NR2F1-AS1: variants seen among roughly 807,000 people sequenced by gnomAD.
NR2F1-AS1 encodes NR2F1 regulatory antisense RNA 1.
intron 1 of NR2F1-AS1, among the ~76,000 whole-genome samples, chr5:93,573,303 T>A (rs1486281433): frequency 2.6e-5 from 4 of 152,142 alleles, no homozygotes; most frequent in African/African-American, 7.2e-5. Flanking sequence ...AACCCCTTGT[T>A]GGTAAAGGCG....
chr5:93,531,459 C>T (rs1751735248), intron 4 of NR2F1-AS1, among the ~76,000 whole-genome samples: 1 of 152,196 alleles, frequency 6.6e-6, no homozygotes, highest in Non-Finnish European at 1.5e-5. Flanking sequence ...ATCCAAACTG[C>T]ATGGTCTGGT....
chr5:93,516,268 G>C (rs1237203261), intron 4 of NR2F1-AS1, among the ~76,000 whole-genome samples: 1 of 151,734 alleles, frequency 6.6e-6, no homozygotes, highest in Non-Finnish European at 1.5e-5. Context: ...TTAAATATAA[G>C]GACAAACATG....
At chr5:93,463,759 C>A (rs1402644705) in intron 4 of NR2F1-AS1, among the ~76,000 whole-genome samples, 2 of 152,138 alleles carry the variant, frequency 1.3e-5, no homozygotes, top group African/African-American at 4.8e-5. Flanking sequence ...ACTTGACTGC[C>A]CTGCTGGATT....
intron 1 of NR2F1-AS1, among the ~76,000 whole-genome samples, chr5:93,563,878 G>A (rs1305787390): frequency 3.9e-5 from 6 of 151,912 alleles, no homozygotes; most frequent in South Asian, 2.1e-4. Context: ...TGAGGTGGGC[G>A]GATCACGAGG....
chr5:93,468,260 C>T (rs182955540), intron 4 of NR2F1-AS1, among the ~76,000 whole-genome samples: 3 of 152,312 alleles, frequency 2.0e-5, no homozygotes, highest in African/African-American at 4.8e-5. Flanking sequence ...AACTAATTTA[C>T]ACTCCCACCA....
Position 93,571,417 on chromosome 5 carries a change from TC to T in NR2F1-AS1, n.314-7955del, listed in dbSNP as rs1028860242. On this transcript the variant is annotated intron_variant and non_coding_transcript_variant, in intron 1 of 5. Transcript: ENST00000660523. ...GGCTAAGCGGCAGGGAATCCTGAGT[TC>T]CTAGAGATCTACAGAAAGCAGAAGA... 2.0e-5 allele frequency: 3 copies of T among 148,964 alleles called. No individual in the cohort carries two copies. The Admixed American group carries it at 2.0e-4, about 10-fold the overall frequency. The allele number at this position is 148,964 out of a possible 1,614,324, so 9.2% of individuals were successfully genotyped here. A position where few individuals can be genotyped will look rare whatever the true frequency, so the allele number is the denominator to read the frequency against.
intron 4 of NR2F1-AS1, among the ~76,000 whole-genome samples, chr5:93,496,547 T>C (rs1027110738): frequency 6.6e-6 from 1 of 152,194 alleles, no homozygotes; most frequent in Non-Finnish European, 1.5e-5. Flanking sequence ...TTTTAATTTA[T>C]ACATTATGAA....
chr5:93,456,786 G>C (rs1210299201), intron 4 of NR2F1-AS1, among the ~76,000 whole-genome samples: 1 of 151,926 alleles, frequency 6.6e-6, no homozygotes, highest in Non-Finnish European at 1.5e-5. Flanking sequence ...CTACCATATC[G>C]GAGAGGGGGA....
chr5:93,563,743 G>A (rs539092742), intron 1 of NR2F1-AS1, among the ~76,000 whole-genome samples: 23 of 151,286 alleles, frequency 1.5e-4, no homozygotes, highest in African/African-American at 4.4e-4. Flanking sequence ...AGAAGCTGAC[G>A]AACATGTAAG....
chr5:93,413,249 G>A (rs189422402), intron 4 of NR2F1-AS1, among the ~76,000 whole-genome samples: 89 of 149,790 alleles, frequency 5.9e-4, no homozygotes, highest in African/African-American at 2.0e-3. Flanking sequence ...TATATATGCT[G>A]ATCTCTAGAA....
At chr5:93,412,594 C>A (rs1748879536) in intron 4 of NR2F1-AS1, among the ~76,000 whole-genome samples, 1 of 152,214 alleles carries the variant, frequency 6.6e-6, no homozygotes, top group Non-Finnish European at 1.5e-5. Flanking sequence ...TTGGCTCAAT[C>A]CTCAGAGCTG....
chr5:93,463,552 A>T (rs1219361711), intron 4 of NR2F1-AS1, among the ~76,000 whole-genome samples: 2 of 152,106 alleles, frequency 1.3e-5, no homozygotes, highest in African/African-American at 4.8e-5. Context: ...AGAGTGGTAG[A>T]TCCACCGACA....
chr5:93,418,528 G>A (rs1013322241), intron 4 of NR2F1-AS1, among the ~76,000 whole-genome samples: 1 of 152,118 alleles, frequency 6.6e-6, no homozygotes, highest in Non-Finnish European at 1.5e-5. Context: ...AGAAGTTGCA[G>A]TAAGCCAAGA....
In NR2F1-AS1 at chr5:93,463,787, C is replaced by G. The variant is rs1227039784; in HGVS notation, n.639-68245G>C. Among the ~76,000 whole-genome samples, 3 of 152,172 alleles carry G rather than the reference C, an allele frequency of 2.0e-5. No individual in the cohort carries two copies. In the South Asian group the frequency reaches 6.2e-4, roughly 32 times the overall value. On this transcript the variant is annotated intron_variant and non_coding_transcript_variant, in intron 4 of 5. Coordinates refer to ENST00000660523, the Ensembl canonical transcript of NR2F1-AS1. ...GCTGGATTTCAGACTTGCATGTGGT[C>G]TTTAGCCCCTTTGTTTCGGCCAATT...
At chr5:93,498,654 T>C (rs1751014382) in intron 4 of NR2F1-AS1, among the ~76,000 whole-genome samples, 1 of 151,946 alleles carries the variant, frequency 6.6e-6, no homozygotes, top group Non-Finnish European at 1.5e-5. Flanking sequence ...TAGATGCAGT[T>C]TCAATGAAAC....
chr5:93,419,013 A>G (rs1749029123), intron 4 of NR2F1-AS1, among the ~76,000 whole-genome samples: 1 of 152,242 alleles, frequency 6.6e-6, no homozygotes, highest in Non-Finnish European at 1.5e-5. Context: ...CTAGGAATCT[A>G]TCTTACAGAA....
intron 4 of NR2F1-AS1, among the ~76,000 whole-genome samples, chr5:93,509,888 C>A (rs1428797287): frequency 6.6e-6 from 1 of 151,566 alleles, no homozygotes; most frequent in Non-Finnish European, 1.5e-5. Context: ...TAGAGCTAAA[C>A]CCAAGAGATC....
chr5:93,512,238 G>A (rs750976608), intron 4 of NR2F1-AS1, among the ~76,000 whole-genome samples: 2 of 152,026 alleles, frequency 1.3e-5, no homozygotes, highest in Non-Finnish European at 2.9e-5. Flanking sequence ...AGGCTAATGT[G>A]TATTTGTATC....
intron 1 of NR2F1-AS1, among the ~76,000 whole-genome samples, chr5:93,575,857 G>A (rs1039484778): frequency 1.3e-5 from 2 of 152,172 alleles, no homozygotes; most frequent in African/African-American, 4.8e-5. Context: ...ACTTATGCAT[G>A]AGGGTAAAAT....
Sources: allele counts gnomAD v4.1 joint callset (sites outside exome capture counted in the v4.1 genomes callset), GRCh38; gene constraint gnomAD v4.1.1; transcripts MANE v1.5; gene names NCBI Gene and HGNC (gene_info 2026-07-23, HGNC 2026-07-21).